BICRA: variants seen among roughly 807,000 people sequenced by gnomAD.
BICRA encodes BRD4 interacting chromatin remodeling complex associated protein.
BICRA carries 31 observed loss-of-function variants against 96.9 expected under a neutral mutation model. The ratio of observed to expected loss-of-function variants is 0.32; its 90% CI spans 0.24 to 0.43. The LOEUF is 0.43. BICRA is among the 20% of genes least tolerant of loss of function. The pLI is 1.00. For missense variants in BICRA, 2,283 were observed against 2,190.3 expected, an observed-to-expected ratio of 1.04 and a Z score of -0.84; for synonymous variants, 1,350 against 1,071.8, an observed-to-expected ratio of 1.26 and a Z score of -5.07.
intron 5 of BICRA, among the ~76,000 whole-genome samples, chr19:47,677,881 A>C (rs1972965656): frequency 6.6e-6 from 1 of 152,164 alleles, no homozygotes; most frequent in Non-Finnish European, 1.5e-5. Context: ...GTGGTGCCAT[A>C]TGTGTGGTGT....
intron 1 of BICRA, among the ~76,000 whole-genome samples, chr19:47,626,828 T>A (rs1172427009): frequency 1.4e-5 from 2 of 147,524 alleles, no homozygotes; most frequent in Non-Finnish European, 3.0e-5. Context: ...TTCAAGCAAC[T>A]CTCCTGCCTC....
chr19:47,655,811 G>A (rs527585716), intron 1 of BICRA, among the ~76,000 whole-genome samples: 14 of 151,642 alleles, frequency 9.2e-5, no homozygotes, highest in South Asian at 4.2e-4. Flanking sequence ...AGCCGAGATC[G>A]CTGCACTGCA....
At chr19:47,626,241 G>A (rs1415042013) in intron 1 of BICRA, 2 of 152,252 alleles carry the variant, frequency 1.3e-5, no homozygotes, top group Admixed American at 6.6e-5. Context: ...AAGGACTGGA[G>A]GAGGTAGGTG....
intron 7 of BICRA, among the ~76,000 whole-genome samples, chr19:47,690,630 C>T (rs1973227116): frequency 6.6e-6 from 1 of 152,070 alleles, no homozygotes; most frequent in African/African-American, 2.4e-5. Flanking sequence ...TTTGTCTTTC[C>T]TTTTCTGTGC....
At chr19:47,622,828 AG>A (rs1972085039) in intron 1 of BICRA, among the ~76,000 whole-genome samples, 1 of 151,922 alleles carries the variant, frequency 6.6e-6, no homozygotes. Flanking sequence ...TCACGAGGTC[AG>A]GAGTTCAAGA....
intron 1 of BICRA, among the ~76,000 whole-genome samples, chr19:47,654,383 T>C (rs11880929): frequency 0.13 from 19,730 of 152,076 alleles, 1,394 homozygotes; most frequent in East Asian, 0.18. Context: ...TGATTTAACC[T>C]GTTTACTACT....
chr19:47,661,045 TA>T (rs1282184846), intron 1 of BICRA, among the ~76,000 whole-genome samples: 1 of 151,746 alleles, frequency 6.6e-6, no homozygotes, highest in African/African-American at 2.4e-5. Context: ...CCGTCTCTAC[TA>T]AAAATACAAA....
At chr19:47,645,680 G>A (rs977035531) in intron 1 of BICRA, among the ~76,000 whole-genome samples, 1 of 152,218 alleles carries the variant, frequency 6.6e-6, no homozygotes, top group Non-Finnish European at 1.5e-5. Flanking sequence ...TGTCACTCCT[G>A]GGGTAGAGCA....
intron 1 of BICRA, among the ~76,000 whole-genome samples, chr19:47,639,484 A>G (rs373764181): frequency 1.9e-4 from 28 of 151,234 alleles, no homozygotes; most frequent in Admixed American, 7.9e-4. Flanking sequence ...CCGCTACTAC[A>G]CACCAGGCTA....
At chr19:47,690,875 AT>A (rs1316068031) in intron 7 of BICRA, among the ~76,000 whole-genome samples, 1 of 151,990 alleles carries the variant, frequency 6.6e-6, no homozygotes, top group Non-Finnish European at 1.5e-5. Flanking sequence ...TAAGCTTTTT[AT>A]GTTTAAATGA....
At chr19:47,660,181 T>C (rs1972684345) in intron 1 of BICRA, among the ~76,000 whole-genome samples, 1 of 151,886 alleles carries the variant, frequency 6.6e-6, no homozygotes, top group African/African-American at 2.4e-5. Flanking sequence ...CAGGAGGCTC[T>C]AGGGAAGAGC....
At chr19:47,641,454 T>G (rs2123535639) in intron 1 of BICRA, among the ~76,000 whole-genome samples, 1 of 152,252 alleles carries the variant, frequency 6.6e-6, no homozygotes, top group East Asian at 1.9e-4. Flanking sequence ...AACTATAGAT[T>G]CAACTTGTGT....
chr19:47,698,586 T>TGCCCCCCCCCC lies in BICRA; in HGVS notation c.3249-48_3249-47insGCCCCCCCCCC. The TGCCCCCCCCCC allele has an allele frequency of 1.3e-5, 9 of 716,652 alleles. No homozygotes were observed. Among genetic ancestry groups the TGCCCCCCCCCC allele is most frequent in the East Asian group, 2.9e-5 (1 of 34,882 alleles). 44.4% of individuals were successfully genotyped at this position (716,652 alleles called of 1,614,324 possible). Reference sequence around the variant, plus strand: ...AGGGACTTCCCCTGGCCCTCACCCGTCCCCCCCACCCTCCGCCGTGTGTGG... The same window carrying TGCCCCCCCCCC: ...AGGGACTTCCCCTGGCCCTCACCCGTGCCCCCCCCCCCCCCCCCACCCTCCGCCGTGTGTGG... On this transcript the variant is annotated intron_variant, in intron 11 of 14. Transcript: ENST00000594866. The surrounding 1 kb of genome is among the most constrained non-coding windows in gnomAD (Gnocchi z 4.8).
intron 1 of BICRA, among the ~76,000 whole-genome samples, chr19:47,629,213 C>G (rs1169476798): frequency 6.6e-6 from 1 of 151,656 alleles, no homozygotes; most frequent in Non-Finnish European, 1.5e-5. Context: ...CCGTGTTAGC[C>G]AGGATAGTCT....
chr19:47,656,261 AAAC>A (rs56826723), intron 1 of BICRA, among the ~76,000 whole-genome samples: 55,917 of 151,792 alleles, frequency 0.37, 10,864 homozygotes, highest in East Asian at 0.58. Flanking sequence ...TGTCTCAAAA[AAAC>A]AACGAGAAGG....
At chr19:47,662,339 A>G (rs1300633709) in intron 1 of BICRA, 2 of 152,140 alleles carry the variant, frequency 1.3e-5, no homozygotes, top group East Asian at 3.9e-4. Flanking sequence ...GGGCTTCTTC[A>G]CCTGGCAGCT....
At chr19:47,618,443 A>T (rs1211814144) in intron 1 of BICRA, among the ~76,000 whole-genome samples, 1 of 152,148 alleles carries the variant, frequency 6.6e-6, no homozygotes, top group East Asian at 1.9e-4. Context: ...GATGTTTTGC[A>T]AGTGCCTGGC....
rs112395927 is a variant in BICRA at position 47,684,338 on chromosome 19, T to C, written c.2283+2186T>C. ...CTGGGATTACAGGTGCCTGCCACCA[T>C]GTTTGGCTAATTTTCATATTTTTAG... On this transcript the variant is annotated intron_variant, in intron 7 of 14. Coordinates refer to ENST00000594866, the MANE Select transcript of BICRA (RefSeq NM_001394372.1). Among the ~76,000 whole-genome samples, 5 of 152,242 alleles carry C rather than the reference T, an allele frequency of 3.3e-5. 1 individual carries two copies. Among genetic ancestry groups the C allele is most frequent in the African/African-American group, 1.2e-4 (5 of 41,542 alleles).
rs774755486 is a variant in BICRA, at chr19:47,680,194, G to A, written c.1024G>A (p.Val342Met). 2.6e-6 allele frequency: 4 copies of A among 1,548,282 alleles called. No homozygotes were observed. The highest frequency in any genetic ancestry group is 1.9e-5 in the Admixed American group (1 of 52,818). The change falls in exon 6 of 15, where the codon GTG becomes ATG. Residue 342 changes from valine (V) to methionine (M), a missense_variant. Coordinates refer to ENST00000594866, the MANE Select transcript of BICRA (RefSeq NM_001394372.1). Reference sequence around the variant, plus strand: ...GTCGCCACTGGTCCCGGCGCCCAACGTGATCCTGCATCGCACACCCACGCC... The same window carrying A: ...GTCGCCACTGGTCCCGGCGCCCAACATGATCCTGCATCGCACACCCACGCC... ...GSSPLVPAPN[V>M]ILHRTPTPIQ...
Sources: allele counts gnomAD v4.1 joint callset (sites outside exome capture counted in the v4.1 genomes callset), GRCh38; gene constraint gnomAD v4.1.1; non-coding constraint Gnocchi (gnomAD v3.1); transcripts MANE v1.5; gene names NCBI Gene and HGNC (gene_info 2026-07-23, HGNC 2026-07-21).